TMEM259: variants seen among roughly 807,000 people sequenced by gnomAD.
TMEM259 encodes the protein membralin.
Under a neutral mutation model 46.7 loss-of-function variants are expected in TMEM259, and 26 were observed. That is an observed-to-expected ratio of 0.56 (90% CI 0.41 to 0.77). The LOEUF is 0.77. TMEM259 is among the 30% of genes least tolerant of loss of function. The pLI, the probability that TMEM259 is intolerant of heterozygous loss-of-function variation, is 0.00. For missense variants in TMEM259, 930 were observed against 900.5 expected (o/e 1.03, Z -0.42); for synonymous variants, 494 against 395.1 (o/e 1.25, Z -2.97).
Position 1,020,748 on chromosome 19 carries a change from G to A in TMEM259, c.225+24C>T, listed in dbSNP as rs1233791275. 7.7e-7 allele frequency: 1 copy of A among 1,295,370 alleles called. No homozygotes were observed. Among genetic ancestry groups the A allele is most frequent in the South Asian group, 2.6e-5 (1 of 38,822 alleles). The allele number at this position is 1,295,370 out of a possible 1,614,324, so 80.2% of individuals were successfully genotyped here. A position where few individuals can be genotyped will look rare whatever the true frequency, so the allele number is the denominator to read the frequency against. ...GTCGGGACAGCCGCTGGGGTCAAGG[G>A]TCGGGGGTCGGGGCCGCGGTCACCT... On this transcript the variant is annotated intron_variant, in intron 1 of 10. Coordinates refer to ENST00000356663, the MANE Select transcript of TMEM259 (RefSeq NM_001033026.2). The surrounding 1 kb of genome is among the most constrained non-coding windows in gnomAD (Gnocchi z 4.0).
chr19:1,012,687 C>T (rs1309666910), intron 3 of TMEM259, 114 bp from the exon 4 acceptor site: 16 of 1,415,688 alleles, frequency 1.1e-5, no homozygotes, highest in African/African-American at 4.3e-5. Context: ...AGCCCTGGGC[C>T]CCAGGTGGGT....
chr19:1,020,926 G>A lies in TMEM259; in HGVS notation c.71C>T (p.Ala24Val). 7.9e-7 allele frequency: 1 copy of A among 1,266,944 alleles called. No individual in the cohort carries two copies. The highest frequency in any genetic ancestry group is 3.6e-5 in the South Asian group (1 of 27,718). The allele number at this position is 1,266,944 out of a possible 1,614,324, so 78.5% of individuals were successfully genotyped here. ...GAGATTGGGGGTGCGAGGCCCGCGC[G>A]CGGGGGCCGGGCCGCCGCCGCCGCC... The part of the protein sequence containing the change: ...PNGGGGGPAP[A>V]RGPRTPNLNP... Residue 24 changes from alanine (A) to valine (V), a missense_variant, in exon 1 of 11, where the codon GCG becomes GTG. By Grantham distance (64) the Ala-to-Val change is moderately conservative (BLOSUM62 0). Coordinates refer to ENST00000356663, the MANE Select transcript of TMEM259 (RefSeq NM_001033026.2). This position sits in a 1 kb window ranked among gnomAD's most constrained non-coding sequence, Gnocchi z 4.0.
chr19:1,019,420 G>A (rs1292078200), intron 1 of TMEM259, among the ~76,000 whole-genome samples: 1 of 152,212 alleles, frequency 6.6e-6, no homozygotes, highest in African/African-American at 2.4e-5. Flanking sequence ...CCCCAGAGCC[G>A]GGAAAGGCCG....
intron 6 of TMEM259, 42 bp downstream of exon 6, chr19:1,011,850 C>T (rs978880443): frequency 3.1e-6 from 5 of 1,591,428 alleles, no homozygotes; most frequent in Non-Finnish European, 4.3e-6. Context: ...GCCTGCTTGG[C>T]TCCCGCCCGG....
chr19:1,013,488 T>G (rs1220137886), intron 2 of TMEM259, 148 bp from the exon 3 acceptor site: 1 of 699,510 alleles, frequency 1.4e-6, no homozygotes, highest in African/African-American at 1.8e-5. Context: ...TACGTGTGCC[T>G]CCCGCCTCAG....
At chr19:1,012,694 G>A in intron 3 of TMEM259, 121 bp from the exon 4 acceptor site, 5 of 1,382,986 alleles carry the variant, frequency 3.6e-6, no homozygotes, top group Non-Finnish European at 4.8e-6. Context: ...GGCCCCAGGT[G>A]GGTGCTGGGA....
At position 1,010,533 on chromosome 19, in the gene TMEM259, G is replaced by T; in HGVS notation, c.1680C>A (p.Ser560=). The change falls in exon 11 of 11, where the codon TCC becomes TCA. Residue 560 remains serine (S), a synonymous_variant. Coordinates refer to ENST00000356663, the MANE Select transcript of TMEM259 (RefSeq NM_001033026.2). Reference sequence around the variant, plus strand: ...GGCTGGCTGGACGCCGCTCCAGGAGGGAGGCGCTCAGGCCGGACAGGAAGG... The same window carrying T: ...GGCTGGCTGGACGCCGCTCCAGGAGTGAGGCGCTCAGGCCGGACAGGAAGG... ...DASFLSGLSA[S]LLERRPASPL... 1 of 1,548,186 alleles carries T rather than the reference G, an allele frequency of 6.5e-7. No individual in the cohort carries two copies.
chr19:1,012,346 C>CG, intron 4 of TMEM259, 117 bp downstream of exon 4: 1 of 1,494,924 alleles, frequency 6.7e-7, no homozygotes, highest in Non-Finnish European at 8.9e-7. Flanking sequence ...GTGCCTGGGG[C>CG]GGGGCAGACC....
chr19:1,011,519 C>T lies in TMEM259; in HGVS notation c.1085-20G>A, dbSNP rs374453699. 64 of 1,110,892 alleles carry T rather than the reference C, an allele frequency of 5.8e-5. 1 individual carries two copies. The highest frequency in any genetic ancestry group is 7.0e-5 in the Non-Finnish European group (58 of 825,668). 68.8% of individuals were successfully genotyped at this position (1,110,892 alleles called of 1,614,324 possible). Reference sequence around the variant, plus strand: ...CCATCCCTGCAGGGAGAGGCGGCGCCGGTTGAAGCGGGCGGGGCGGGGTGC... The same window carrying T: ...CCATCCCTGCAGGGAGAGGCGGCGCTGGTTGAAGCGGGCGGGGCGGGGTGC... On this transcript the variant is annotated intron_variant, in intron 8 of 10. Coordinates refer to ENST00000356663, the MANE Select transcript of TMEM259 (RefSeq NM_001033026.2).
intron 1 of TMEM259, among the ~76,000 whole-genome samples, chr19:1,017,600 T>G (rs1263680567): frequency 6.6e-6 from 1 of 151,974 alleles, no homozygotes; most frequent in Non-Finnish European, 1.5e-5. Context: ...TCCCCCAGCC[T>G]GGGGCCGTGC....
At position 1,011,885 on chromosome 19, in the gene TMEM259, C is replaced by T; in HGVS notation, c.942+7G>A. On this transcript the variant is annotated splice_region_variant and intron_variant, in intron 6 of 10. Coordinates refer to ENST00000356663, the MANE Select transcript of TMEM259 (RefSeq NM_001033026.2). ...GCCAGCCCCCGCACCCGCCCCGAGG[C>T]ACTCACGAAGATGACCATGATGGCG... 1 of 1,606,606 alleles carries T rather than the reference C, an allele frequency of 6.2e-7. No homozygotes were observed. Among genetic ancestry groups the T allele is most frequent in the South Asian group, 1.1e-5 (1 of 90,736 alleles).
rs552369521 is a variant in TMEM259, at chr19:1,010,938, C to T, written c.1318-43G>A. ...GGAGTCAGGACGGGCCCGCCCCTGC[C>T]CCACCCAGCCGCTGCTCCCAGAGGG... On this transcript the variant is annotated intron_variant, in intron 10 of 10. Coordinates refer to ENST00000356663, the MANE Select transcript of TMEM259 (RefSeq NM_001033026.2). 14 of 1,569,486 alleles carry T rather than the reference C, an allele frequency of 8.9e-6. No homozygotes were observed. In the East Asian group the frequency reaches 3.0e-4, roughly 34 times the overall value.
intron 1 of TMEM259, among the ~76,000 whole-genome samples, chr19:1,015,473 G>C (rs929733196): frequency 6.6e-6 from 1 of 152,174 alleles, no homozygotes; most frequent in African/African-American, 2.4e-5. Context: ...GGCAGTTCAG[G>C]GCAGCCCCTC....
intron 2 of TMEM259, 116 bp downstream of exon 2, chr19:1,014,076 C>T (rs2039027178): frequency 3.7e-6 from 5 of 1,343,800 alleles, no homozygotes; most frequent in Middle Eastern, 5.4e-4. Flanking sequence ...GTCTGCATGC[C>T]AGGTCCCTGA....
In TMEM259 at chr19:1,020,948, C is replaced by T. The variant is rs1197811203; in HGVS notation, c.49G>A (p.Gly17Ser). The T allele has an allele frequency of 2.4e-5, 30 of 1,265,606 alleles. No individual in the cohort carries two copies. Among genetic ancestry groups the T allele is most frequent in the East Asian group, 6.3e-5 (2 of 31,518 alleles). The allele number at this position is 1,265,606 out of a possible 1,614,324, so 78.4% of individuals were successfully genotyped here. The part of the protein sequence containing the change: ...PAAPGPGPNG[G>S]GGGPAPARGP... ...CGCGCGGGGGCCGGGCCGCCGCCGCCGCCGTTGGGCCCGGGCCCCGGAGCT... is the reference window on the plus strand; with the variant it reads ...CGCGCGGGGGCCGGGCCGCCGCCGCTGCCGTTGGGCCCGGGCCCCGGAGCT... The change falls in exon 1 of 11, where the codon GGC becomes AGC. Residue 17 changes from glycine to serine, a missense_variant. Transcript: ENST00000356663. The surrounding 1 kb of genome is among the most constrained non-coding windows in gnomAD (Gnocchi z 4.0).
chr19:1,019,251 G>A (rs1288405718), intron 1 of TMEM259, among the ~76,000 whole-genome samples: 1 of 152,206 alleles, frequency 6.6e-6, no homozygotes, highest in Non-Finnish European at 1.5e-5. Context: ...CTCCCAAGGA[G>A]GCTGAGCTCC....
In TMEM259 at chr19:1,010,584, C is replaced by G; in HGVS notation, c.1629G>C (p.Glu543Asp). 2 of 1,551,090 alleles carry G rather than the reference C, an allele frequency of 1.3e-6. No individual in the cohort carries two copies. The highest frequency in any genetic ancestry group is 1.7e-6 in the Non-Finnish European group (2 of 1,149,152). ...AAGGDLGWMA[E>D]TAAIITDASF... ...AGGCGTCTGTGATGATGGCAGCGGT[C>G]TCTGCCATCCAACCCAGGTCACCAC... Residue 543 changes from glutamate to aspartate, a missense_variant, in exon 11 of 11, where the codon GAG (glutamate) becomes GAC (aspartate). By Grantham distance (45) the Glu-to-Asp change is conservative (BLOSUM62 2). Transcript: ENST00000356663.
At position 1,014,471 on chromosome 19, in the gene TMEM259, G is replaced by T; in HGVS notation, c.228C>A (p.Ala76=). The change falls in exon 2 of 11, where the codon GCC becomes GCA. Residue 76 remains alanine, a splice_region_variant and synonymous_variant. Coordinates refer to ENST00000356663, the MANE Select transcript of TMEM259 (RefSeq NM_001033026.2). The part of the protein sequence containing the change: ...RLFEFFVLLK[A]LFVLFVLAYI... ...AGGCCAGGACGAAGAGCACAAACAG[G>T]GCCTAGGGGGCGGCCGGCAGTCAGT... is the stretch of plus-strand genomic sequence containing the variant. 4 of 1,604,232 alleles carry T rather than the reference G, an allele frequency of 2.5e-6. No homozygotes were observed. Among genetic ancestry groups the T allele is most frequent in the Non-Finnish European group, 3.4e-6 (4 of 1,174,406 alleles).
intron 2 of TMEM259, 89 bp from the exon 3 acceptor site, chr19:1,013,429 G>C (rs2039005453): frequency 7.4e-7 from 1 of 1,354,604 alleles, no homozygotes; most frequent in African/African-American, 1.4e-5. Flanking sequence ...AATGGGAAGG[G>C]ACTGGAAGCC....
Sources: gnomAD v4.1 joint callset for allele counts (sites outside exome capture counted in the v4.1 genomes callset) on GRCh38, gnomAD v4.1.1 for gene constraint, Gnocchi (gnomAD v3.1) non-coding constraint, MANE v1.5 for transcripts, NCBI Gene and HGNC (gene_info 2026-07-23, HGNC 2026-07-21) for gene names.